FBN2: variants seen among roughly 807,000 people sequenced by gnomAD.
The protein encoded by FBN2 is fibrillin 2, also known as fibrillin-2.
A neutral mutation model predicts 355.6 loss-of-function variants in FBN2; 105 were observed. The observed-to-expected ratio is 0.30, with a 90% confidence interval of 0.25 to 0.35. FBN2 has a LOEUF of 0.35. Ranked by LOEUF, FBN2 falls within the 10% of genes least tolerant of loss-of-function variation. The probability of loss-of-function intolerance (pLI) is 1.00; values close to 1 mark genes in which losing one functional copy is unlikely to be tolerated. For missense variants in FBN2, 3,280 were observed against 3,758.7 expected (o/e 0.87, Z 3.33); for synonymous variants, 1,350 against 1,301.2 (o/e 1.04, Z -0.81).
At chr5:128,396,331 T>A (rs188445270) in intron 8 of FBN2, among the ~76,000 whole-genome samples, 266 of 152,340 alleles carry the variant, frequency 1.7e-3, no homozygotes, top group African/African-American at 6.0e-3. Context: ...ATAGTCAGGC[T>A]GAACATATAT....
intron 5 of FBN2, among the ~76,000 whole-genome samples, chr5:128,469,747 G>A (rs751569340): frequency 6.6e-6 from 1 of 152,192 alleles, no homozygotes; most frequent in Non-Finnish European, 1.5e-5. Context: ...ATGTGTTAAT[G>A]TGGAAGATGA....
intron 7 of FBN2, among the ~76,000 whole-genome samples, chr5:128,431,237 G>T (rs1307617873): frequency 1.3e-5 from 2 of 152,194 alleles, no homozygotes; most frequent in African/African-American, 4.8e-5. Flanking sequence ...GAACTTTCTG[G>T]CAAAAATAAT....
intron 48 of FBN2, among the ~76,000 whole-genome samples, chr5:128,297,942 T>C (rs1749575558): frequency 6.6e-6 from 1 of 151,982 alleles, no homozygotes; most frequent in African/African-American, 2.4e-5. Context: ...CGATGGTCTT[T>C]ACATTTTGGC....
intron 7 of FBN2, among the ~76,000 whole-genome samples, chr5:128,425,647 T>C (rs1374540438): frequency 1.3e-5 from 2 of 152,182 alleles, no homozygotes; most frequent in Non-Finnish European, 2.9e-5. Flanking sequence ...CTAAAAATCA[T>C]TTATTTTGTA....
At chr5:128,426,570 T>C (rs1181996980) in intron 7 of FBN2, among the ~76,000 whole-genome samples, 7 of 152,224 alleles carry the variant, frequency 4.6e-5, no homozygotes, top group African/African-American at 1.7e-4. Context: ...GGAAATCTCA[T>C]GCAGTTCACA....
intron 31 of FBN2, among the ~76,000 whole-genome samples, chr5:128,334,048 C>T (rs559186527): frequency 9.9e-5 from 15 of 152,070 alleles, no homozygotes; most frequent in Admixed American, 3.9e-4. Context: ...CTGAGGAATA[C>T]GTGATCCAAA....
In FBN2 at chr5:128,338,960, C is replaced by T. The variant is rs759206522; in HGVS notation, c.3445G>A (p.Gly1149Ser). Reference protein sequence around the residue: ...ECECFEGYESGFMMMKNCMDI... With the variant: ...ECECFEGYESSFMMMKNCMDI... ...ATGCAGTTCTTCATCATCATGAAGC[C>T]ACTTTCATAGCCTTCGAAGCACTCG... The change falls in exon 26 of 65, where the codon GGC (glycine) becomes AGC (serine). Residue 1149 changes from glycine to serine, a missense_variant. Gly to Ser is a moderately conservative substitution (Grantham distance 56). Around this residue, in one of 6 missense-constraint regions of FBN2, gnomAD observed 2,284 missense variants for 2,749.5 expected, o/e 0.83. Coordinates refer to ENST00000262464, the MANE Select transcript of FBN2 (RefSeq NM_001999.4). 2 of 1,614,074 alleles carry T rather than the reference C, an allele frequency of 1.2e-6. No homozygotes were observed. The highest frequency in any genetic ancestry group is 2.2e-5 in the South Asian group (2 of 91,074).
intron 64 of FBN2, among the ~76,000 whole-genome samples, chr5:128,261,526 T>A (rs1471739235): frequency 6.6e-6 from 1 of 152,236 alleles, no homozygotes; most frequent in Non-Finnish European, 1.5e-5. Context: ...AAACTGTGAA[T>A]CTTAAAGTCT....
At chr5:128,380,608 C>T (rs901393221) in intron 11 of FBN2, among the ~76,000 whole-genome samples, 5 of 152,036 alleles carry the variant, frequency 3.3e-5, no homozygotes, top group South Asian at 2.1e-4. Context: ...AAGATGTAAT[C>T]GTTCACTTAA....
At chr5:128,456,974 C>T (rs1323920306) in intron 6 of FBN2, among the ~76,000 whole-genome samples, 1 of 152,126 alleles carries the variant, frequency 6.6e-6, no homozygotes, top group Non-Finnish European at 1.5e-5. Context: ...CAGAAGTAGG[C>T]TTCACAAAAT....
At chr5:128,274,425 A>G in intron 60 of FBN2, 142 bp downstream of exon 60, 1 of 670,886 alleles carries the variant, frequency 1.5e-6, no homozygotes, top group South Asian at 1.7e-5. Flanking sequence ...CTATCTTATT[A>G]GCAACTTCTT....
intron 17 of FBN2, chr5:128,365,364 G>A (rs1468287926): frequency 6.6e-6 from 1 of 152,178 alleles, no homozygotes; most frequent in Admixed American, 6.5e-5. Flanking sequence ...TTCCAATAGA[G>A]GCTGGCTCTG....
intron 6 of FBN2, among the ~76,000 whole-genome samples, chr5:128,464,222 G>A (rs1002056652): frequency 6.6e-6 from 1 of 152,076 alleles, no homozygotes; most frequent in Non-Finnish European, 1.5e-5. Context: ...GACCAACCCA[G>A]GTTACAAAGT....
chr5:128,402,282 A>AATCCCTCT (rs1476478581), intron 8 of FBN2, among the ~76,000 whole-genome samples: 1 of 152,164 alleles, frequency 6.6e-6, no homozygotes, highest in African/African-American at 2.4e-5. Flanking sequence ...GTAAAAACAA[A>AATCCCTCT]ATCCCTCTAA....
chr5:128,273,957 A>G lies in FBN2; in HGVS notation c.7723T>C (p.Cys2575Arg), dbSNP rs534786528. ...HHTACIDNNE[C>R]GSQPSLCGAK... ...CCACAAAGCGAAGGTTGAGACCCAC[A>G]TTCGTTGTTGTCTGGCAAAGCATCA... Residue 2575 changes from cysteine (C) to arginine (R), a missense_variant, in exon 61 of 65, where the codon TGT becomes CGT. Cys to Arg is a radical substitution (Grantham distance 180). Coordinates refer to ENST00000262464, the MANE Select transcript of FBN2 (RefSeq NM_001999.4). The G allele has an allele frequency of 6.2e-7, 1 of 1,613,826 alleles. No individual in the cohort carries two copies. The highest frequency in any genetic ancestry group is 8.5e-7 in the Non-Finnish European group (1 of 1,179,900).
chr5:128,394,761 A>G (rs1240668591), intron 9 of FBN2, among the ~76,000 whole-genome samples: 7 of 152,100 alleles, frequency 4.6e-5, no homozygotes, highest in Non-Finnish European at 7.4e-5. Context: ...AACAAATATG[A>G]CTTGACTTCA....
intron 5 of FBN2, among the ~76,000 whole-genome samples, chr5:128,481,180 G>GAA (rs35188139): frequency 6.7e-6 from 1 of 149,464 alleles, no homozygotes; most frequent in East Asian, 2.0e-4. Context: ...TTTACTCAGG[G>GAA]AAAAAAAAAA....
intron 5 of FBN2, among the ~76,000 whole-genome samples, chr5:128,511,141 C>A (rs1386755281): frequency 1.3e-5 from 2 of 152,138 alleles, no homozygotes; most frequent in African/African-American, 4.8e-5. Context: ...ACACATAAAT[C>A]ATAATCCTAG....
intron 20 of FBN2, among the ~76,000 whole-genome samples, chr5:128,353,907 A>G (rs1243160352): frequency 6.6e-6 from 1 of 152,086 alleles, no homozygotes; most frequent in Admixed American, 6.6e-5. Flanking sequence ...CAACACTTGA[A>G]AAGCTACAAA....
Sources: allele counts gnomAD v4.1 joint callset (sites outside exome capture counted in the v4.1 genomes callset), GRCh38; gene constraint gnomAD v4.1.1; regional missense constraint gnomAD v4.1.1; transcripts MANE v1.5; gene names NCBI Gene and HGNC (gene_info 2026-07-23, HGNC 2026-07-21).